The following MSR1 variants were observed in gnomAD, a reference collection of about 807,000 sequenced individuals.
MSR1 encodes the protein macrophage scavenger receptor 1, also known as macrophage scavenger receptor types I and II.
In MSR1, 53 loss-of-function variants were observed where a neutral mutation model predicts 47.2. The ratio of observed to expected loss-of-function variants is 1.12; its 90% confidence interval spans 0.90 to 1.41. MSR1 has a LOEUF of 1.41. MSR1 is among the 40% of genes most tolerant of loss of function. The pLI is 0.00. For synonymous variants in MSR1, 239 were observed against 185.6 expected (o/e 1.29, Z -2.34); for missense variants, 786 against 546.9 (o/e 1.44, Z -4.36).
intron 4 of MSR1, among the ~76,000 whole-genome samples, chr8:16,166,194 G>A (rs1197738586): frequency 6.2e-5 from 8 of 129,504 alleles, no homozygotes; most frequent in Non-Finnish European, 9.4e-5. Context: ...TTTTTGAGAC[G>A]GAGTCTCGCA....
intron 8 of MSR1, among the ~76,000 whole-genome samples, chr8:16,129,570 AC>A (rs1165493746): frequency 6.6e-6 from 1 of 151,690 alleles, no homozygotes; most frequent in African/African-American, 2.4e-5. Context: ...AGACAGCAAA[AC>A]CCCGTTCCCT....
chr8:16,142,970 C>G (rs959093877), intron 8 of MSR1, among the ~76,000 whole-genome samples: 1 of 152,098 alleles, frequency 6.6e-6, no homozygotes, highest in Non-Finnish European at 1.5e-5. Flanking sequence ...TAGAAGACAT[C>G]TCATCTAATA....
intron 1 of MSR1, among the ~76,000 whole-genome samples, chr8:16,181,220 A>G (rs1327156063): frequency 6.6e-6 from 1 of 152,198 alleles, no homozygotes; most frequent in African/African-American, 2.4e-5. Context: ...CAGTAATGTG[A>G]TTGCTGGGTC....
intron 1 of MSR1, among the ~76,000 whole-genome samples, chr8:16,182,217 A>T (rs1046211166): frequency 6.6e-6 from 1 of 152,220 alleles, no homozygotes; most frequent in Non-Finnish European, 1.5e-5. Flanking sequence ...CAGTAAAAAT[A>T]TGGTATAAAA....
At chr8:16,127,422 T>C (rs1245511922) in intron 8 of MSR1, among the ~76,000 whole-genome samples, 3 of 152,186 alleles carry the variant, frequency 2.0e-5, no homozygotes, top group Non-Finnish European at 4.4e-5. Context: ...ATAGTGAGTT[T>C]GATCCACTTT....
intron 5 of MSR1, among the ~76,000 whole-genome samples, chr8:16,159,964 G>C (rs1269432445): frequency 6.6e-6 from 1 of 151,912 alleles, no homozygotes; most frequent in East Asian, 1.9e-4. Context: ...ACAAAGTACT[G>C]GGTACATTAG....
At chr8:16,138,493 G>C (rs1375494769) in intron 8 of MSR1, among the ~76,000 whole-genome samples, 1 of 152,192 alleles carries the variant, frequency 6.6e-6, no homozygotes, top group Non-Finnish European at 1.5e-5. Context: ...TGTCTAAAGA[G>C]AGAAGACTTT....
chr8:16,180,269 T>C (rs1254144790), intron 1 of MSR1, among the ~76,000 whole-genome samples: 2 of 151,766 alleles, frequency 1.3e-5, no homozygotes, highest in Non-Finnish European at 2.9e-5. Context: ...ATAATCTCTA[T>C]TTTATGTGCA....
chr8:16,170,921 G>T (rs975052564), intron 3 of MSR1, among the ~76,000 whole-genome samples: 2 of 152,114 alleles, frequency 1.3e-5, no homozygotes, highest in African/African-American at 4.8e-5. Flanking sequence ...TTCCTCTAAA[G>T]TGCCTTGTAC....
chr8:16,184,869 G>A (rs993870976), intron 1 of MSR1, among the ~76,000 whole-genome samples: 1 of 151,780 alleles, frequency 6.6e-6, no homozygotes, highest in South Asian at 2.1e-4. Context: ...TTAAACCGTG[G>A]TTACCTTGGG....
At chr8:16,141,479 G>C (rs1267942605) in intron 8 of MSR1, among the ~76,000 whole-genome samples, 1 of 152,136 alleles carries the variant, frequency 6.6e-6, no homozygotes, top group Non-Finnish European at 1.5e-5. Context: ...AGAGAAAAGA[G>C]GTAGTGACAT....
intron 9 of MSR1, 114 bp downstream of exon 9, chr8:16,120,304 G>A: frequency 9.2e-7 from 1 of 1,081,880 alleles, no homozygotes; most frequent in Non-Finnish European, 1.4e-6. Flanking sequence ...TTGAATCCGG[G>A]AGGCAGAGGT....
intron 7 of MSR1, among the ~76,000 whole-genome samples, chr8:16,146,815 T>A (rs1800711930): frequency 6.6e-6 from 1 of 152,156 alleles, no homozygotes; most frequent in African/African-American, 2.4e-5. Context: ...TGGTTCTGAA[T>A]AATATTTATA....
intron 8 of MSR1, chr8:16,140,086 A>AATGAATTG: frequency 2.1e-6 from 2 of 975,510 alleles, no homozygotes; most frequent in Non-Finnish European, 2.4e-6. Flanking sequence ...CATGTGAATT[A>AATGAATTG]ATGATTGAAT....
intron 1 of MSR1, among the ~76,000 whole-genome samples, chr8:16,182,241 G>A (rs926523399): frequency 1.3e-5 from 2 of 152,164 alleles, no homozygotes; most frequent in African/African-American, 4.8e-5. Flanking sequence ...ACGAAGTTCT[G>A]CACCTGTACA....
intron 7 of MSR1, among the ~76,000 whole-genome samples, chr8:16,147,673 G>C (rs1167249104): frequency 6.6e-6 from 1 of 152,124 alleles, no homozygotes; most frequent in Admixed American, 6.6e-5. Flanking sequence ...GACTCTTGTA[G>C]AGGAGAGACT....
intron 1 of MSR1, among the ~76,000 whole-genome samples, chr8:16,180,610 C>T (rs983857140): frequency 2.0e-5 from 3 of 152,172 alleles, no homozygotes; most frequent in East Asian, 1.9e-4. Context: ...TAGCACAGCA[C>T]AGTTCTAACT....
At chr8:16,125,333 A>G (rs76588590) in intron 8 of MSR1, among the ~76,000 whole-genome samples, 3,351 of 152,250 alleles carry the variant, frequency 0.022, 72 homozygotes, top group Middle Eastern at 0.085. Flanking sequence ...GTGAACTCTT[A>G]GTTTAATTAA....
chr8:16,174,153 T>G (rs1483835564), intron 3 of MSR1, among the ~76,000 whole-genome samples: 1 of 152,178 alleles, frequency 6.6e-6, no homozygotes, highest in Non-Finnish European at 1.5e-5. Flanking sequence ...GTATTATTGT[T>G]TTCATTATTT....
Sources: allele counts gnomAD v4.1 joint callset (sites outside exome capture counted in the v4.1 genomes callset), GRCh38; gene constraint gnomAD v4.1.1; transcripts MANE v1.5; gene names NCBI Gene and HGNC (gene_info 2026-07-23, HGNC 2026-07-21).